The following SLC5A4 variants were observed in gnomAD, a reference collection of about 807,000 sequenced individuals.
SLC5A4 encodes solute carrier family 5 member 4.
SLC5A4 carries 55 observed loss-of-function variants against 70.3 expected under a neutral mutation model. The ratio of observed to expected loss-of-function variants is 0.78; its 90% CI spans 0.63 to 0.98. The LOEUF is 0.98. Among genes scored for constraint, SLC5A4 ranks in the 50% least tolerant of loss-of-function variants. The pLI is 0.00. For missense variants in SLC5A4, 735 were observed against 839.2 expected (o/e 0.88, Z 1.53); for synonymous variants, 268 against 305.7 (o/e 0.88, Z 1.29).
At chr22:32,307,332 G>C in the SLC5A4 span, among the ~76,000 whole-genome samples, 2 of 152,178 alleles carry the variant, frequency 1.3e-5, no homozygotes, top group Non-Finnish European at 2.9e-5. Context: ...GTTTGGACTA[G>C]AAACTGGGGT....
intron 5 of SLC5A4, among the ~76,000 whole-genome samples, chr22:32,239,293 C>T (rs1039732108): frequency 9.9e-5 from 15 of 151,142 alleles, no homozygotes; most frequent in South Asian, 6.3e-4. Context: ...CTTCTGTAGT[C>T]GCATAGAAGT....
At chr22:32,287,893 G>A in the SLC5A4 span, among the ~76,000 whole-genome samples, 4 of 151,292 alleles carry the variant, frequency 2.6e-5, no homozygotes, top group East Asian at 7.8e-4. Context: ...TAAATATTGG[G>A]TCTGTATAGG....
chr22:32,223,261 C>T (rs746134326), intron 13 of SLC5A4, among the ~76,000 whole-genome samples: 3 of 152,164 alleles, frequency 2.0e-5, no homozygotes, highest in Non-Finnish European at 4.4e-5. Flanking sequence ...TCCTTATACA[C>T]ATATTTTTCC....
chr22:32,226,455 G>A (rs1925404328), intron 11 of SLC5A4, among the ~76,000 whole-genome samples: 1 of 152,204 alleles, frequency 6.6e-6, no homozygotes, highest in African/African-American at 2.4e-5. Flanking sequence ...TGCAGTGTGC[G>A]TAAAAGGCCA....
At chr22:32,327,240 T>C in the SLC5A4 span, 1 of 152,164 alleles carries the variant, frequency 6.6e-6, no homozygotes, top group African/African-American at 2.4e-5. Flanking sequence ...CAAAAGGTGA[T>C]GGAGAAACAT....
intron 13 of SLC5A4, among the ~76,000 whole-genome samples, chr22:32,223,298 A>G (rs1925196464): frequency 1.3e-5 from 2 of 152,288 alleles, no homozygotes; most frequent in South Asian, 4.1e-4. Context: ...TATACACAGT[A>G]AGCTCCTAAA....
the SLC5A4 span, among the ~76,000 whole-genome samples, chr22:32,290,194 C>T: frequency 6.6e-6 from 1 of 152,260 alleles, no homozygotes; most frequent in Non-Finnish European, 1.5e-5. Context: ...AACCCGTCAT[C>T]TAGGTTTTAA....
At chr22:32,341,477 G>C in the SLC5A4 span, among the ~76,000 whole-genome samples, 1 of 152,168 alleles carries the variant, frequency 6.6e-6, no homozygotes, top group Non-Finnish European at 1.5e-5. Flanking sequence ...TGAACTCCTA[G>C]CTACTCATCC....
chr22:32,342,893 A>T, the SLC5A4 span: 2 of 152,228 alleles, frequency 1.3e-5, no homozygotes, highest in Non-Finnish European at 2.9e-5. Flanking sequence ...ATTGTTGACA[A>T]CTGCTATTTC....
the SLC5A4 span, among the ~76,000 whole-genome samples, chr22:32,310,393 C>T: frequency 2.0e-5 from 3 of 152,188 alleles, no homozygotes; most frequent in African/African-American, 7.2e-5. Flanking sequence ...GAATCTGGGT[C>T]TTGGGCCCCC....
At chr22:32,303,812 AT>A in the SLC5A4 span, among the ~76,000 whole-genome samples, 2 of 152,174 alleles carry the variant, frequency 1.3e-5, no homozygotes, top group South Asian at 4.1e-4. Context: ...CTTTGGGTAA[AT>A]ACCAAGAAGT....
At chr22:32,336,679 G>A in the SLC5A4 span, among the ~76,000 whole-genome samples, 2 of 152,222 alleles carry the variant, frequency 1.3e-5, no homozygotes, top group African/African-American at 4.8e-5. Flanking sequence ...GCTGTGTTAG[G>A]TCTAGTTCAT....
chr22:32,221,764 T>C (rs143782407), intron 13 of SLC5A4, among the ~76,000 whole-genome samples: 1 of 152,298 alleles, frequency 6.6e-6, no homozygotes, highest in East Asian at 1.9e-4. Flanking sequence ...TGTTTTGTTT[T>C]CAATAAGAAG....
chr22:32,319,344 C>A, the SLC5A4 span, among the ~76,000 whole-genome samples: 1 of 152,020 alleles, frequency 6.6e-6, no homozygotes, highest in Non-Finnish European at 1.5e-5. Context: ...CTGGAACTCA[C>A]ACCATCAGCT....
chr22:32,292,696 T>C, the SLC5A4 span, among the ~76,000 whole-genome samples: 1 of 152,176 alleles, frequency 6.6e-6, no homozygotes, highest in Non-Finnish European at 1.5e-5. Flanking sequence ...AATTATACAG[T>C]ATAACATAAC....
At chr22:32,337,784 CAAG>C in the SLC5A4 span, among the ~76,000 whole-genome samples, 7 of 152,174 alleles carry the variant, frequency 4.6e-5, no homozygotes, top group Non-Finnish European at 8.8e-5. Context: ...GGAAGAGATA[CAAG>C]TAGTCACCAC....
At chr22:32,255,067 C>G in intron 1 of SLC5A4, 128 bp downstream of exon 1, 3 of 910,098 alleles carry the variant, frequency 3.3e-6, no homozygotes, top group Non-Finnish European at 5.2e-6. Flanking sequence ...ATGCAACACA[C>G]AAGAAAATGA....
the SLC5A4 span, among the ~76,000 whole-genome samples, chr22:32,279,489 C>CA: frequency 5.3e-5 from 8 of 151,352 alleles, no homozygotes; most frequent in Non-Finnish European, 4.4e-5. Flanking sequence ...ACAAGAGACA[C>CA]AAAAAAAATG....
At chr22:32,292,869 G>A in the SLC5A4 span, among the ~76,000 whole-genome samples, 1 of 152,050 alleles carries the variant, frequency 6.6e-6, no homozygotes, top group African/African-American at 2.4e-5. Context: ...GAGAGAGGTA[G>A]GTTAAAATTT....
Sources: allele counts gnomAD v4.1 joint callset (sites outside exome capture counted in the v4.1 genomes callset), GRCh38; gene constraint gnomAD v4.1.1; transcripts MANE v1.5; gene names NCBI Gene and HGNC (gene_info 2026-07-23, HGNC 2026-07-21).